The following CD44 variants were observed in gnomAD, a reference collection of about 807,000 sequenced individuals.
CD44 encodes the protein CD44 antigen.
Under a neutral mutation model 88.8 loss-of-function variants are expected in CD44, and 49 were observed. The observed-to-expected ratio is 0.55, with a 90% CI of 0.44 to 0.70. CD44 has a LOEUF of 0.70. Among genes scored for constraint, CD44 ranks in the 30% least tolerant of loss-of-function variants. The pLI is 0.00. For missense variants in CD44, 883 were observed against 913.8 expected, an observed-to-expected ratio of 0.97 and a Z score of 0.43; for synonymous variants, 325 against 312.3, an observed-to-expected ratio of 1.04 and a Z score of -0.43.
At chr11:35,143,368 T>C (rs1224832282) in intron 1 of CD44, among the ~76,000 whole-genome samples, 2 of 150,958 alleles carry the variant, frequency 1.3e-5, no homozygotes, top group Admixed American at 6.6e-5. Flanking sequence ...GCACTGACTC[T>C]ATACTAGATG....
chr11:35,208,211 GA>G lies in CD44; in HGVS notation c.1516+7del. The G allele has an allele frequency of 2.5e-6, 4 of 1,576,578 alleles. No homozygotes were observed. The highest frequency in any genetic ancestry group is 3.5e-6 in the Non-Finnish European group (4 of 1,145,964). ...GACCTCTTTCAATGACAACGCGTAA[GA>G]ATAACGATGCTCAGCCACTTTATTG... On this transcript the variant is annotated splice_donor_region_variant and intron_variant, in intron 12 of 17. Transcript: ENST00000428726.
intron 1 of CD44, among the ~76,000 whole-genome samples, chr11:35,170,050 T>A (rs563886346): frequency 7.0e-4 from 106 of 152,304 alleles, no homozygotes; most frequent in Non-Finnish European, 1.4e-3. Context: ...ACCTAATAAG[T>A]GTGCAATGCT....
chr11:35,186,002 C>A (rs1945639593), intron 3 of CD44, among the ~76,000 whole-genome samples: 1 of 152,014 alleles, frequency 6.6e-6, no homozygotes, highest in Non-Finnish European at 1.5e-5. Context: ...AGGCAGAAAT[C>A]TTTATTCCTA....
Position 35,230,873 on chromosome 11 carries a change from C to G in CD44, c.*1540C>G, listed in dbSNP as rs1445114231. ...AAATGGTATCTCCTTTCTGAGGCTC[C>G]TACTAAAAGTCATTTGTTACCTAAA... On this transcript the variant is annotated 3_prime_UTR_variant, in exon 18 of 18. Transcript: ENST00000428726. 1.3e-5 allele frequency: 2 copies of G among 152,190 alleles called. No homozygotes were observed. Among genetic ancestry groups the G allele is most frequent in the South Asian group, 4.1e-4 (2 of 4,834 alleles). 9.4% of individuals were successfully genotyped at this position (152,190 alleles called of 1,614,324 possible). A position where few individuals can be genotyped will look rare whatever the true frequency, so the allele number is the denominator to read the frequency against.
intron 1 of CD44, among the ~76,000 whole-genome samples, chr11:35,163,539 T>A (rs1942903283): frequency 6.6e-6 from 1 of 152,196 alleles, no homozygotes; most frequent in Non-Finnish European, 1.5e-5. Flanking sequence ...AGGACTATAC[T>A]AGTCAGGCAG....
intron 4 of CD44, among the ~76,000 whole-genome samples, chr11:35,188,805 G>A (rs1215270179): frequency 2.6e-5 from 4 of 152,040 alleles, no homozygotes; most frequent in Admixed American, 2.6e-4. Flanking sequence ...GGGTGTGGTG[G>A]CATGCACCTG....
intron 1 of CD44, among the ~76,000 whole-genome samples, chr11:35,172,150 C>G (rs1943980596): frequency 6.6e-6 from 1 of 152,218 alleles, no homozygotes; most frequent in Admixed American, 6.5e-5. Flanking sequence ...TGGCTCTACA[C>G]TGGTCCACCT....
rs1565068329 is a variant in CD44 at position 35,176,571 on chromosome 11, A to G, written c.68-4A>G. On this transcript the variant is annotated splice_region_variant and splice_polypyrimidine_tract_variant and intron_variant, in intron 1 of 17. Transcript: ENST00000428726. ...GAATCTAACATTTCTATTTCTTCCCATAGATTTGAATATAACCTGCCGCTT... is the reference window on the plus strand; with the variant it reads ...GAATCTAACATTTCTATTTCTTCCCGTAGATTTGAATATAACCTGCCGCTT... The G allele has an allele frequency of 6.2e-7, 1 of 1,600,740 alleles. No individual in the cohort carries two copies. The highest frequency in any genetic ancestry group is 1.1e-5 in the South Asian group (1 of 88,790).
chr11:35,193,545 G>A (rs1415679788), intron 5 of CD44, among the ~76,000 whole-genome samples: 3 of 152,152 alleles, frequency 2.0e-5, no homozygotes, highest in African/African-American at 4.8e-5. Context: ...ACTTTTTTGA[G>A]GAAGGAGGAC....
intron 10 of CD44, chr11:35,205,775 C>T: frequency 1.0e-6 from 1 of 999,116 alleles, no homozygotes; most frequent in South Asian, 4.6e-5. Flanking sequence ...TTTTATACTT[C>T]TGCCTTTAGG....
chr11:35,148,724 G>T (rs909531891), intron 1 of CD44, among the ~76,000 whole-genome samples: 2 of 152,218 alleles, frequency 1.3e-5, no homozygotes, highest in African/African-American at 4.8e-5. Flanking sequence ...AGCCCTGAGC[G>T]GTCAGCACAG....
chr11:35,182,083 C>A, intron 3 of CD44, among the ~76,000 whole-genome samples: 1 of 137,162 alleles, frequency 7.3e-6, no homozygotes, highest in Admixed American at 8.1e-5. Context: ...ATACCATATA[C>A]ATCAAATATA....
intron 6 of CD44, 53 bp downstream of exon 6, chr11:35,196,927 A>G: frequency 6.4e-7 from 1 of 1,574,320 alleles, no homozygotes; most frequent in Non-Finnish European, 8.7e-7. Context: ...GCCTTGAATA[A>G]TTTTGATTGA....
At chr11:35,175,928 T>C (rs1944410213) in intron 1 of CD44, among the ~76,000 whole-genome samples, 1 of 149,460 alleles carries the variant, frequency 6.7e-6, no homozygotes, top group Non-Finnish European at 1.5e-5. Context: ...TGTAGTGGCA[T>C]GATCTCGGCT....
rs1252036386 is a variant in CD44, at chr11:35,230,604, T to A, written c.*1271T>A. On this transcript the variant is annotated 3_prime_UTR_variant, in exon 18 of 18. Transcript: ENST00000428726. The stretch of plus-strand genomic sequence containing the variant: ...TGATGCAGTTGCTATTTAGGATGAG[T>A]TAAGTGCCTGGGGAGTCCCTCAAAA... The A allele has an allele frequency of 6.6e-6, 1 of 152,168 alleles. No homozygotes were observed. The highest frequency in any genetic ancestry group is 1.5e-5 in the Non-Finnish European group (1 of 68,026). The allele number at this position is 152,168 out of a possible 1,614,324, so 9.4% of individuals were successfully genotyped here. A position where few individuals can be genotyped will look rare whatever the true frequency, so the allele number is the denominator to read the frequency against.
At chr11:35,169,520 C>A (rs1348698814) in intron 1 of CD44, among the ~76,000 whole-genome samples, 3 of 152,060 alleles carry the variant, frequency 2.0e-5, no homozygotes, top group Non-Finnish European at 4.4e-5. Context: ...TATTGAAAAT[C>A]CCTTGCAGCC....
At chr11:35,194,257 C>T (rs1946528462) in intron 5 of CD44, among the ~76,000 whole-genome samples, 1 of 152,062 alleles carries the variant, frequency 6.6e-6, no homozygotes, top group African/African-American at 2.4e-5. Context: ...TGATGTTGTC[C>T]TAAGATTGTG....
intron 2 of CD44, among the ~76,000 whole-genome samples, chr11:35,179,376 A>G (rs1591081189): frequency 6.6e-6 from 1 of 152,132 alleles, no homozygotes; most frequent in African/African-American, 2.4e-5. Context: ...GAGGCATTTT[A>G]TATTCAAAAA....
intron 5 of CD44, among the ~76,000 whole-genome samples, chr11:35,192,751 CTG>C (rs1463744035): frequency 1.3e-5 from 2 of 150,212 alleles, no homozygotes; most frequent in East Asian, 1.9e-4. Context: ...CCTTGGAACA[CTG>C]TATTTCCTTG....
Sources: allele counts gnomAD v4.1 joint callset (sites outside exome capture counted in the v4.1 genomes callset), GRCh38; gene constraint gnomAD v4.1.1; transcripts MANE v1.5; gene names NCBI Gene and HGNC (gene_info 2026-07-23, HGNC 2026-07-21).